Variants in SPAG16 observed in about 807,000 individuals in gnomAD.
SPAG16 encodes the protein sperm-associated antigen 16 protein.
In SPAG16, 86 loss-of-function variants were observed where a neutral mutation model predicts 80.4. The ratio of observed to expected loss-of-function variants is 1.07; its 90% CI spans 0.90 to 1.28. The LOEUF is 1.28. Ranked by LOEUF, SPAG16 falls within the 50% of genes most tolerant of loss-of-function variation. SPAG16 has a pLI of 0.00. For missense variants in SPAG16, 870 were observed against 765.3 expected (o/e 1.14, Z -1.61); for synonymous variants, 294 against 265.9 (o/e 1.11, Z -1.03).
intron 13 of SPAG16, among the ~76,000 whole-genome samples, chr2:214,072,018 ATATCTT>A (rs1469778024): frequency 1.8e-4 from 27 of 152,168 alleles, no homozygotes; most frequent in Non-Finnish European, 1.5e-5. Flanking sequence ...TTAAGAAACA[ATATCTT>A]AATCATAAAA....
chr2:213,572,974 A>G (rs925553138), intron 10 of SPAG16, among the ~76,000 whole-genome samples: 7 of 152,142 alleles, frequency 4.6e-5, no homozygotes, highest in East Asian at 1.9e-4. Flanking sequence ...GAAAAGCGCA[A>G]TATTCGGGTG....
intron 15 of SPAG16, among the ~76,000 whole-genome samples, chr2:214,335,105 G>A (rs1416348989): frequency 6.6e-6 from 1 of 152,156 alleles, no homozygotes; most frequent in Non-Finnish European, 1.5e-5. Context: ...GATCCTATAG[G>A]AAGTTTTGAA....
In SPAG16 at chr2:214,092,917, A is replaced by G. The variant is rs531158304; in HGVS notation, c.1528-15279A>G. 2.6e-4 allele frequency among the ~76,000 whole-genome samples: 33 copies of G among 127,174 alleles called. No homozygotes were observed. The South Asian group carries it at 7.8e-3, about 30-fold the overall frequency. 83.4% of individuals were successfully genotyped at this position (127,174 alleles called of 152,430 possible). ...CTCTTGTGCCTTGATTCTTCATCCC[A>G]GCAGCTCTTTTTATGGCAGCAGCTA... is the stretch of plus-strand genomic sequence containing the variant. On this transcript the variant is annotated intron_variant, in intron 13 of 15. Coordinates refer to ENST00000331683, the MANE Select transcript of SPAG16 (RefSeq NM_024532.5).
intron 12 of SPAG16, among the ~76,000 whole-genome samples, chr2:213,939,829 T>C (rs1428468146): frequency 6.6e-6 from 1 of 152,148 alleles, no homozygotes; most frequent in African/African-American, 2.4e-5. Context: ...ATAGAGATAA[T>C]ATACAAAGAT....
At position 213,861,475 on chromosome 2, in the gene SPAG16, C is replaced by T. The variant is rs542010455; in HGVS notation, c.1071-1010C>T. 3.9e-5 allele frequency among the ~76,000 whole-genome samples: 6 copies of T among 152,170 alleles called. No homozygotes were observed. The East Asian group carries it at 5.8e-4, about 15-fold the overall frequency. ...ACTAAGGGAAAAATGAACATGTGAT[C>T]GCTGTTTTTTAAATCATCATATGTC... On this transcript the variant is annotated intron_variant, in intron 10 of 15. Transcript: ENST00000331683.
chr2:214,163,129 C>T (rs565145088), intron 15 of SPAG16, among the ~76,000 whole-genome samples: 48 of 152,174 alleles, frequency 3.2e-4, no homozygotes, highest in African/African-American at 1.1e-3. Flanking sequence ...TCAGTTTTCA[C>T]TGTATGTATT....
At chr2:213,468,387 A>C (rs570276327) in intron 9 of SPAG16, among the ~76,000 whole-genome samples, 2 of 138,478 alleles carry the variant, frequency 1.4e-5, no homozygotes, top group South Asian at 4.6e-4. Flanking sequence ...ATATATATAG[A>C]TATATATATA....
intron 10 of SPAG16, among the ~76,000 whole-genome samples, chr2:213,693,252 T>C (rs1042540122): frequency 6.6e-6 from 1 of 152,194 alleles, no homozygotes; most frequent in African/African-American, 2.4e-5. Context: ...CTTAAAGCAA[T>C]GAGGCCTAAC....
chr2:214,305,153 C>G (rs774670644), intron 15 of SPAG16, among the ~76,000 whole-genome samples: 1 of 151,950 alleles, frequency 6.6e-6, no homozygotes, highest in Admixed American at 6.6e-5. Context: ...TTCATATGTT[C>G]GTTAGCTGCA....
chr2:213,977,464 C>A (rs756203852), intron 12 of SPAG16, among the ~76,000 whole-genome samples: 133 of 151,988 alleles, frequency 8.8e-4, no homozygotes, highest in Non-Finnish European at 1.5e-3. Context: ...TCCTGGCAGA[C>A]AACAGAGGAT....
At chr2:214,155,239 A>G (rs12478144) in intron 15 of SPAG16, among the ~76,000 whole-genome samples, 4,581 of 152,268 alleles carry the variant, frequency 0.03, 208 homozygotes, top group East Asian at 0.18. Flanking sequence ...TATCTTAAGC[A>G]TTAGAAGGAA....
Position 213,796,070 on chromosome 2 carries a change from A to G in SPAG16, c.1071-66415A>G, listed in dbSNP as rs563719250. Among the ~76,000 whole-genome samples the G allele has an allele frequency of 1.6e-4, 25 of 152,296 alleles. 1 individual carries two copies. Among genetic ancestry groups the G allele is most frequent in the African/African-American group, 5.5e-4 (23 of 41,574 alleles). Reference sequence around the variant, plus strand: ...GGAGGATACGATATATCTTAATAAAACATCTAATCTATTCAACTCCCCCCA... The same window carrying G: ...GGAGGATACGATATATCTTAATAAAGCATCTAATCTATTCAACTCCCCCCA... On this transcript the variant is annotated intron_variant, in intron 10 of 15. Coordinates refer to ENST00000331683, the MANE Select transcript of SPAG16 (RefSeq NM_024532.5).
intron 14 of SPAG16, among the ~76,000 whole-genome samples, chr2:214,148,827 A>C (rs2112016): frequency 5.3e-5 from 8 of 151,810 alleles, no homozygotes; most frequent in African/African-American, 1.7e-4. Flanking sequence ...TACATCTTCT[A>C]ATGTAGTTAA....
intron 11 of SPAG16, among the ~76,000 whole-genome samples, chr2:213,868,257 T>G (rs1410055741): frequency 6.6e-6 from 1 of 152,150 alleles, no homozygotes; most frequent in Non-Finnish European, 1.5e-5. Flanking sequence ...GAATTTTTTT[T>G]TTATTTTAGA....
intron 10 of SPAG16, among the ~76,000 whole-genome samples, chr2:213,751,207 C>T (rs1370518079): frequency 6.6e-6 from 1 of 151,524 alleles, no homozygotes; most frequent in Non-Finnish European, 1.5e-5. Flanking sequence ...ATAGTTGCTG[C>T]CTCTACATTT....
intron 10 of SPAG16, among the ~76,000 whole-genome samples, chr2:213,754,461 G>T (rs1276353909): frequency 2.6e-5 from 4 of 152,026 alleles, no homozygotes; most frequent in Admixed American, 2.6e-4. Context: ...ACTCATTTTA[G>T]CTTCATCTTA....
At chr2:214,169,626 T>A (rs1357655483) in intron 15 of SPAG16, among the ~76,000 whole-genome samples, 1 of 152,038 alleles carries the variant, frequency 6.6e-6, no homozygotes, top group Admixed American at 6.6e-5. Context: ...TTCTTTTGTC[T>A]AGCAGAGAGT....
chr2:213,913,792 T>G (rs572406495), intron 11 of SPAG16, among the ~76,000 whole-genome samples: 1 of 152,218 alleles, frequency 6.6e-6, no homozygotes, highest in South Asian at 2.1e-4. Context: ...TTGTGGGGAC[T>G]GTTAAGTCCA....
rs1363043821 is a variant in SPAG16 at position 213,599,053 on chromosome 2, A to G, written c.1070+108963A>G. Among the ~76,000 whole-genome samples the G allele has an allele frequency of 2.6e-5, 4 of 152,332 alleles. No individual in the cohort carries two copies. In the Middle Eastern group the frequency reaches 0.014, roughly 518 times the overall value. On this transcript the variant is annotated intron_variant, in intron 10 of 15. Coordinates refer to ENST00000331683, the MANE Select transcript of SPAG16 (RefSeq NM_024532.5). ...TTCTTTATATTATTAAATTTTAATG[A>G]TATGTTTATTTGTTCTCTTAGGAGA...
Sources: allele counts gnomAD v4.1 joint callset (sites outside exome capture counted in the v4.1 genomes callset), GRCh38; gene constraint gnomAD v4.1.1; transcripts MANE v1.5; gene names NCBI Gene and HGNC (gene_info 2026-07-23, HGNC 2026-07-21).